Variants in USP34 observed in about 807,000 individuals in gnomAD.
USP34 encodes ubiquitin specific peptidase 34.
Under a neutral mutation model 460.3 loss-of-function variants are expected in USP34, and 70 were observed. The ratio of observed to expected loss-of-function variants is 0.15; its 90% CI spans 0.13 to 0.19. The LOEUF is 0.19. USP34 is among the 10% of genes least tolerant of loss of function. The probability of loss-of-function intolerance (pLI) is 1.00; values close to 1 mark genes in which losing one functional copy is unlikely to be tolerated. For missense variants in USP34, 3,985 were observed against 4,236.2 expected (o/e 0.94, Z 1.65); for synonymous variants, 1,647 against 1,405.3 (o/e 1.17, Z -3.85).
chr2:61,446,795 CA>C (rs202114862), intron 1 of USP34, among the ~76,000 whole-genome samples: 5,242 of 139,428 alleles, frequency 0.038, 255 homozygotes, highest in African/African-American at 0.12. Flanking sequence ...GACTCCACAT[CA>C]AAAAAAAAAA....
intron 35 of USP34, among the ~76,000 whole-genome samples, chr2:61,284,205 A>G (rs1048961825): frequency 2.6e-5 from 4 of 152,336 alleles, no homozygotes; most frequent in African/African-American, 7.2e-5. Context: ...TTTAGTTACT[A>G]AAGAGATGTG....
At chr2:61,412,183 C>G (rs1262840690) in intron 2 of USP34, among the ~76,000 whole-genome samples, 6 of 106,508 alleles carry the variant, frequency 5.6e-5, no homozygotes, top group Non-Finnish European at 9.5e-5. Flanking sequence ...GAGCGAAACT[C>G]CATCTCAAAA....
intron 57 of USP34, among the ~76,000 whole-genome samples, chr2:61,234,346 T>G (rs1351325368): frequency 2.6e-5 from 4 of 152,358 alleles, no homozygotes; most frequent in African/African-American, 9.6e-5. Context: ...AACTCTTTGG[T>G]TGCTAACCTA....
rs1489631569 is a variant in USP34 at position 61,207,187 on chromosome 2, C to T, written c.8920-301G>A. ...TTGTTAAGTCTTCAAAATTACAAAG[C>T]AGTAGGTCACAAAAGATTAGGGAGA... On this transcript the variant is annotated intron_variant, in intron 70 of 79. Coordinates refer to ENST00000398571, the MANE Select transcript of USP34 (RefSeq NM_014709.4). 3 of 204,522 alleles carry T rather than the reference C, an allele frequency of 1.5e-5. No homozygotes were observed. The East Asian group carries it at 3.9e-4, about 27-fold the overall frequency. The allele number at this position is 204,522 out of a possible 1,614,324, so 12.7% of individuals were successfully genotyped here. A position where few individuals can be genotyped will look rare whatever the true frequency, so the allele number is the denominator to read the frequency against.
intron 1 of USP34, among the ~76,000 whole-genome samples, chr2:61,460,900 T>G (rs1456543539): frequency 6.6e-6 from 1 of 151,408 alleles, no homozygotes; most frequent in African/African-American, 2.4e-5. Flanking sequence ...GGACAATCAC[T>G]TGAACCTGGG....
At chr2:61,323,752 G>A (rs1361206041) in intron 21 of USP34, among the ~76,000 whole-genome samples, 1 of 152,082 alleles carries the variant, frequency 6.6e-6, no homozygotes, top group African/African-American at 2.4e-5. Flanking sequence ...AATGTTCATG[G>A]TATCTATGTT....
chr2:61,251,465 T>C (rs535044412), intron 48 of USP34, among the ~76,000 whole-genome samples: 6 of 152,234 alleles, frequency 3.9e-5, no homozygotes, highest in African/African-American at 7.2e-5. Context: ...TATGCTAATT[T>C]TTCTTAATAA....
At chr2:61,421,680 G>A (rs186848636) in intron 1 of USP34, among the ~76,000 whole-genome samples, 5 of 152,276 alleles carry the variant, frequency 3.3e-5, no homozygotes, top group South Asian at 2.1e-4. Flanking sequence ...TCACATTAAC[G>A]TGAGGAGGGG....
intron 8 of USP34, among the ~76,000 whole-genome samples, chr2:61,375,105 T>C (rs1027479246): frequency 2.0e-5 from 3 of 152,084 alleles, no homozygotes; most frequent in Non-Finnish European, 4.4e-5. Flanking sequence ...CTGGACAATA[T>C]TGTGAATGAA....
At chr2:61,290,401 CTT>C (rs1174425871) in intron 33 of USP34, among the ~76,000 whole-genome samples, 1 of 152,074 alleles carries the variant, frequency 6.6e-6, no homozygotes, top group Non-Finnish European at 1.5e-5. Context: ...TTTACAGAAA[CTT>C]TATTTTAACA....
At chr2:61,205,797 G>A (rs565265111) in intron 72 of USP34, among the ~76,000 whole-genome samples, 2 of 152,218 alleles carry the variant, frequency 1.3e-5, no homozygotes, top group African/African-American at 4.8e-5. Flanking sequence ...AGGTCGGGGA[G>A]ACTGTATATA....
chr2:61,358,975 C>G (rs932702318), intron 10 of USP34, among the ~76,000 whole-genome samples: 2 of 152,064 alleles, frequency 1.3e-5, no homozygotes, highest in Non-Finnish European at 2.9e-5. Context: ...TAAATAAAGA[C>G]AAAGACATTC....
At chr2:61,413,749 G>A (rs186843842) in intron 2 of USP34, among the ~76,000 whole-genome samples, 30 of 147,378 alleles carry the variant, frequency 2.0e-4, no homozygotes, top group Admixed American at 1.2e-3. Flanking sequence ...AGGCCAAGGC[G>A]GGTGGATTGC....
rs763458864 is a variant in USP34, at chr2:61,190,571, T to C, written c.9676A>G (p.Thr3226Ala). 1 of 1,614,112 alleles carries C rather than the reference T, an allele frequency of 6.2e-7. No individual in the cohort carries two copies. Among genetic ancestry groups the C allele is most frequent in the South Asian group, 1.1e-5 (1 of 91,076 alleles). The change falls in exon 77 of 80, where the codon ACT (threonine) becomes GCT (alanine). Residue 3226 changes from threonine (T) to alanine (A), a missense_variant. By Grantham distance (58) the Thr-to-Ala change is moderately conservative (BLOSUM62 0). Transcript: ENST00000398571. Reference sequence around the variant, plus strand: ...TAGACAATGTTGTTGTTTAAAAAAGTTCTTTCATCCATTAGGATACATTTA... The same window carrying C: ...TAGACAATGTTGTTGTTTAAAAAAGCTCTTTCATCCATTAGGATACATTTA... ...YIKCILMDER[T>A]FLNNNIVYTF...
chr2:61,193,295 T>TAAGG (rs1686693317), intron 75 of USP34: 1 of 176,806 alleles, frequency 5.7e-6, no homozygotes, highest in Admixed American at 6.7e-5. Context: ...TTTCTTGGAT[T>TAAGG]AAGGTACCAC....
intron 2 of USP34, among the ~76,000 whole-genome samples, chr2:61,415,852 A>C (rs865928379): frequency 4.2e-4 from 64 of 152,238 alleles, no homozygotes; most frequent in African/African-American, 1.4e-3. Context: ...TGCCCACCTA[A>C]ATAAAATGCA....
In USP34 at chr2:61,241,637, G is replaced by A. The variant is rs764384880; in HGVS notation, c.6700C>T (p.Leu2234=). 6.2e-7 allele frequency: 1 copy of A among 1,605,724 alleles called. No homozygotes were observed. The highest frequency in any genetic ancestry group is 8.5e-7 in the Non-Finnish European group (1 of 1,177,352). Residue 2234 remains leucine (L), a synonymous_variant, in exon 53 of 80, where the codon CTG becomes TTG. Coordinates refer to ENST00000398571, the MANE Select transcript of USP34 (RefSeq NM_014709.4). ...SFEKTHSAYM[L]FYKRMEPEEE... ...TCTGGTTCCATGCGTTTGTAAAACA[G>A]CATATATGCACTGTGTGTCTTTAAG... is the stretch of plus-strand genomic sequence containing the variant.
At position 61,459,354 on chromosome 2, in the gene USP34, T is replaced by C. The variant is rs577411749; in HGVS notation, c.43+11296A>G. ...GGAAGTACCTTCAAGGAAAACACTG[T>C]ATAAGAAATTTCAGTGTTCAAATAG... On this transcript the variant is annotated intron_variant, in intron 1 of 79. Transcript: ENST00000398571. Among the ~76,000 whole-genome samples, 5 of 152,300 alleles carry C rather than the reference T, an allele frequency of 3.3e-5. No homozygotes were observed. In the South Asian group the frequency reaches 8.3e-4, roughly 25 times the overall value.
chr2:61,224,822 C>A (rs1360828620), intron 62 of USP34, among the ~76,000 whole-genome samples: 2 of 152,220 alleles, frequency 1.3e-5, no homozygotes, highest in Non-Finnish European at 2.9e-5. Context: ...GCTGTTCAAT[C>A]TATGACCAGT....
Sources: gnomAD v4.1 joint callset for allele counts (sites outside exome capture counted in the v4.1 genomes callset) on GRCh38, gnomAD v4.1.1 for gene constraint, MANE v1.5 for transcripts, NCBI Gene and HGNC (gene_info 2026-07-23, HGNC 2026-07-21) for gene names.